SNX24: variants seen among roughly 807,000 people sequenced by gnomAD.
The protein encoded by SNX24 is sorting nexin 24.
A neutral mutation model predicts 28.7 loss-of-function variants in SNX24; 22 were observed. The ratio of observed to expected loss-of-function variants is 0.77; its 90% CI spans 0.55 to 1.10. The LOEUF (loss-of-function observed/expected upper bound fraction) is 1.10, where lower values mean the gene tolerates loss of function less well. Among genes scored for constraint, SNX24 ranks in the 50% least tolerant of loss-of-function variants. The pLI, the probability that SNX24 is intolerant of heterozygous loss-of-function variation, is 0.00. For missense variants in SNX24, 221 were observed against 201.1 expected (o/e 1.10, Z -0.60); for synonymous variants, 69 against 71.5 (o/e 0.96, Z 0.18).
At chr5:122,942,781 T>G (rs1759513947) in intron 2 of SNX24, among the ~76,000 whole-genome samples, 2 of 152,192 alleles carry the variant, frequency 1.3e-5, no homozygotes, top group Non-Finnish European at 2.9e-5. Context: ...TGTAAGCAGC[T>G]GAGCCCTACT....
chr5:122,939,715 A>T (rs1759355342), intron 2 of SNX24, among the ~76,000 whole-genome samples: 1 of 152,148 alleles, frequency 6.6e-6, no homozygotes, highest in Non-Finnish European at 1.5e-5. Context: ...TTGCTGGGCA[A>T]CACCCTAGAT....
At chr5:122,910,526 G>C (rs1183703153) in intron 1 of SNX24, among the ~76,000 whole-genome samples, 5 of 151,438 alleles carry the variant, frequency 3.3e-5, no homozygotes, top group Non-Finnish European at 5.9e-5. Flanking sequence ...GTGCAGGTTA[G>C]TTACATATGT....
At chr5:122,847,821 T>G (rs1368028765) in intron 1 of SNX24, among the ~76,000 whole-genome samples, 1 of 152,138 alleles carries the variant, frequency 6.6e-6, no homozygotes, top group African/African-American at 2.4e-5. Context: ...GGGATTTTTT[T>G]GCTTCTGTGA....
At chr5:123,016,031 T>A (rs1032093028) in intron 5 of SNX24, among the ~76,000 whole-genome samples, 1 of 152,236 alleles carries the variant, frequency 6.6e-6, no homozygotes, top group African/African-American at 2.4e-5. Flanking sequence ...TTATAGTAAC[T>A]TTTCTTCATC....
intron 3 of SNX24, among the ~76,000 whole-genome samples, chr5:122,974,061 T>A (rs1761065682): frequency 6.6e-6 from 1 of 151,986 alleles, no homozygotes; most frequent in East Asian, 1.9e-4. Flanking sequence ...TGGGCTGGAG[T>A]AATGTGTTGC....
intron 1 of SNX24, among the ~76,000 whole-genome samples, chr5:122,894,134 T>C (rs1757102174): frequency 6.6e-6 from 1 of 152,120 alleles, no homozygotes; most frequent in Non-Finnish European, 1.5e-5. Context: ...TTCCAAAACC[T>C]CTTGATTTAA....
intron 3 of SNX24, among the ~76,000 whole-genome samples, chr5:122,982,626 G>A (rs1268018951): frequency 6.6e-6 from 1 of 152,130 alleles, no homozygotes; most frequent in African/African-American, 2.4e-5. Context: ...TGCCTTTGAG[G>A]AATTTAGGTT....
chr5:123,007,648 C>CTTTTTTTTT, intron 6 of SNX24, 34 bp from the exon 7 acceptor site: 4 of 1,388,916 alleles, frequency 2.9e-6, no homozygotes, highest in Non-Finnish European at 2.0e-6. Flanking sequence ...AGCAGTTTTT[C>CTTTTTTTTT]TTTTTTTTTT....
chr5:122,863,528 CT>C (rs112338350), intron 1 of SNX24, among the ~76,000 whole-genome samples: 194 of 143,278 alleles, frequency 1.4e-3, no homozygotes, highest in Middle Eastern at 3.7e-3. Context: ...TTTCTTTTTT[CT>C]TTTTTTTTTT....
intron 3 of SNX24, among the ~76,000 whole-genome samples, chr5:122,975,091 A>G (rs1054452434): frequency 1.3e-5 from 2 of 152,204 alleles, no homozygotes; most frequent in African/African-American, 4.8e-5. Context: ...TTGATTCTCC[A>G]CATCCAGGTG....
intron 1 of SNX24, among the ~76,000 whole-genome samples, chr5:122,854,528 CA>C (rs1229972982): frequency 1.6e-4 from 16 of 99,468 alleles, no homozygotes; most frequent in East Asian, 2.8e-4. Context: ...AAAAAAAAAA[CA>C]AAAAAAAAAA....
chr5:122,997,767 TG>T (rs894783409), intron 3 of SNX24, among the ~76,000 whole-genome samples: 8 of 152,298 alleles, frequency 5.3e-5, no homozygotes, highest in African/African-American at 1.9e-4. Flanking sequence ...TTTAAGAAGG[TG>T]GGGGTGGAGA....
chr5:122,904,621 G>A (rs906551880), intron 1 of SNX24, among the ~76,000 whole-genome samples: 10 of 151,866 alleles, frequency 6.6e-5, no homozygotes, highest in Admixed American at 5.2e-4. Flanking sequence ...AATGTTTCTT[G>A]CAGTTACAGC....
At position 122,916,300 on chromosome 5, in the gene SNX24, G is replaced by T. The variant is rs560086682; in HGVS notation, c.61-20434G>T. On this transcript the variant is annotated intron_variant, in intron 1 of 6. Coordinates refer to ENST00000261369, the MANE Select transcript of SNX24 (RefSeq NM_014035.4). ...AAATGTGCTTTTGACTCTGTTTCCA[G>T]GGAGACCTGGATCTCTGCTTTTTGT... Among the ~76,000 whole-genome samples, 10 of 152,308 alleles carry T rather than the reference G, an allele frequency of 6.6e-5. No homozygotes were observed. In the South Asian group the frequency reaches 1.9e-3, roughly 28 times the overall value.
At chr5:122,900,439 C>A (rs1380175304) in intron 1 of SNX24, among the ~76,000 whole-genome samples, 2 of 152,062 alleles carry the variant, frequency 1.3e-5, no homozygotes, top group Non-Finnish European at 2.9e-5. Context: ...AATTTTCATT[C>A]TATATGGCCA....
intron 3 of SNX24, among the ~76,000 whole-genome samples, chr5:122,982,421 T>G (rs1282284717): frequency 6.6e-6 from 1 of 152,178 alleles, no homozygotes; most frequent in Non-Finnish European, 1.5e-5. Context: ...TTTGTGCTAC[T>G]GGAAAAAAAT....
intron 3 of SNX24, among the ~76,000 whole-genome samples, chr5:122,970,209 AC>A (rs1760898084): frequency 6.7e-6 from 1 of 148,512 alleles, no homozygotes; most frequent in Non-Finnish European, 1.5e-5. Context: ...CTAGTTGCCT[AC>A]CTACCAAACT....
intron 1 of SNX24, among the ~76,000 whole-genome samples, chr5:122,879,142 G>T (rs989084794): frequency 6.6e-6 from 1 of 152,004 alleles, no homozygotes; most frequent in East Asian, 1.9e-4. Context: ...CATTATTAAT[G>T]AGACCACTTG....
At chr5:122,915,662 G>C (rs1325379894) in intron 1 of SNX24, among the ~76,000 whole-genome samples, 1 of 152,100 alleles carries the variant, frequency 6.6e-6, no homozygotes, top group Non-Finnish European at 1.5e-5. Flanking sequence ...GTGCACATCT[G>C]ATCATATCAG....
Sources: gnomAD v4.1 joint callset for allele counts (sites outside exome capture counted in the v4.1 genomes callset) on GRCh38, gnomAD v4.1.1 for gene constraint, MANE v1.5 for transcripts, NCBI Gene and HGNC (gene_info 2026-07-23, HGNC 2026-07-21) for gene names.